The following LONP1 variants were observed in gnomAD, a reference collection of about 807,000 sequenced individuals.
LONP1 encodes the protein lon protease homolog, mitochondrial.
A neutral mutation model predicts 98.5 loss-of-function variants in LONP1; 31 were observed. That is an observed-to-expected ratio of 0.31 (90% CI 0.24 to 0.42). The LOEUF is 0.42. LONP1 is among the 20% of genes least tolerant of loss of function. The pLI is 1.00. For synonymous variants in LONP1, 781 were observed against 594.7 expected, an observed-to-expected ratio of 1.31 and a Z score of -4.56; for missense variants, 1,336 against 1,350.6, an observed-to-expected ratio of 0.99 and a Z score of 0.17.
At chr19:5,705,017 C>T (rs2055121012) in intron 8 of LONP1, among the ~76,000 whole-genome samples, 1 of 152,138 alleles carries the variant, frequency 6.6e-6, no homozygotes, top group South Asian at 2.1e-4. Flanking sequence ...TAAAAATTAG[C>T]TGGGTGTGGT....
chr19:5,700,979 C>T (rs761919228), intron 8 of LONP1, 52 bp from the exon 9 acceptor site: 10 of 1,608,740 alleles, frequency 6.2e-6, no homozygotes, highest in Non-Finnish European at 8.5e-6. Flanking sequence ...AGCTGCCTGT[C>T]TCTCTGCTGG....
Position 5,703,180 on chromosome 19 carries a change from C to CAAA in LONP1, c.1368-2256_1368-2254dup, listed in dbSNP as rs35471644. Among the ~76,000 whole-genome samples the CAAA allele has an allele frequency of 1.0e-4, 8 of 77,074 alleles. 1 individual carries two copies. Among genetic ancestry groups the CAAA allele is most frequent in the African/African-American group, 2.4e-4 (5 of 20,418 alleles). 50.6% of individuals were successfully genotyped at this position (77,074 alleles called of 152,430 possible). On this transcript the variant is annotated intron_variant, in intron 8 of 17. Transcript: ENST00000360614. ...TGGGCAACAGAGTGAGACTCCATCT[C>CAAA]AAAAAAAAAAAAAAAAAAAAATTTA...
In LONP1 at chr19:5,719,882, T is replaced by C. The variant is rs2055404759; in HGVS notation, c.251A>G (p.Asp84Gly). ...TTCCTCCGCGCCGCCCTCGGAGGCG[T>C]CCTCGCCCCCCGAGAATGCGCCTCC... The part of the protein sequence containing the change: ...RGGGAFSGGE[D>G]ASEGGAEEGA... Residue 84 changes from aspartate to glycine, a missense_variant, in exon 1 of 18, where the codon GAC (aspartate) becomes GGC (glycine). Asp to Gly is a moderately conservative substitution (Grantham distance 94). Transcript: ENST00000360614. The C allele has an allele frequency of 6.4e-7, 1 of 1,572,852 alleles. No individual in the cohort carries two copies. The highest frequency in any genetic ancestry group is 1.1e-5 in the South Asian group (1 of 87,470).
At chr19:5,695,941 G>T in intron 13 of LONP1, 113 bp downstream of exon 13, 2 of 865,236 alleles carry the variant, frequency 2.3e-6, no homozygotes, top group Non-Finnish European at 3.5e-6. Flanking sequence ...TCGGCCGCAG[G>T]TCCCACCTGT....
In LONP1 at chr19:5,694,806, G is replaced by A. The variant is rs779012622; in HGVS notation, c.2109C>T (p.Tyr703=). ...SDVLTLLIKQ[Y]CRESGVRNLQ... is the part of the protein sequence containing the mutation. ...GGTTGCGGACACCGCTCTCGCGGCA[G>A]TACTGCTTGATGAGCAGCGTCAGCA... Residue 703 remains tyrosine, a synonymous_variant, in exon 14 of 18, where the codon TAC becomes TAT. Coordinates refer to ENST00000360614, the MANE Select transcript of LONP1 (RefSeq NM_004793.4). The A allele has an allele frequency of 1.2e-5, 19 of 1,600,334 alleles. No individual in the cohort carries two copies. The African/African-American group carries it at 2.3e-4, about 19-fold the overall frequency.
chr19:5,694,620 G>T, intron 14 of LONP1, 68 bp from the exon 15 acceptor site: 4 of 1,560,824 alleles, frequency 2.6e-6, no homozygotes, highest in Non-Finnish European at 3.5e-6. Flanking sequence ...GTGGGGTGAC[G>T]GGCACAGAAA....
intron 15 of LONP1, 105 bp from the exon 16 acceptor site, chr19:5,693,874 CTTGGTGCCCCTGGGCAGGGG>C: frequency 1.1e-6 from 1 of 924,452 alleles, no homozygotes; most frequent in South Asian, 1.5e-5. Context: ...AGTTTAGCAT[CTTGGTGCCCCTGGGCAGGGG>C]TTGGTGTCCC....
intron 10 of LONP1, among the ~76,000 whole-genome samples, chr19:5,697,480 G>A (rs1218352403): frequency 1.3e-5 from 2 of 149,844 alleles, no homozygotes; most frequent in African/African-American, 4.9e-5. Flanking sequence ...ACAGTGAGGA[G>A]GCCATGAGGC....
chr19:5,695,258 A>C (rs2054905854), intron 13 of LONP1, among the ~76,000 whole-genome samples: 1 of 152,074 alleles, frequency 6.6e-6, no homozygotes, highest in Admixed American at 6.5e-5. Flanking sequence ...CACATGAGGA[A>C]GGGGACTGGG....
intron 4 of LONP1, 58 bp from the exon 5 acceptor site, chr19:5,708,461 T>TGGGGGGGGGGGGG: frequency 2.6e-6 from 1 of 384,130 alleles, no homozygotes; most frequent in Non-Finnish European, 5.1e-6. Context: ...GGGGGTGGGC[T>TGGGGGGGGGGGGG]GGGTGGGAGC....
chr19:5,708,192 A>T, intron 5 of LONP1, 150 bp downstream of exon 5: 2 of 775,246 alleles, frequency 2.6e-6, no homozygotes, highest in East Asian at 5.4e-5. Context: ...CCCATGCCCC[A>T]GTGGGCAACG....
chr19:5,709,965 C>A (rs1003936409), intron 4 of LONP1, among the ~76,000 whole-genome samples: 1 of 150,668 alleles, frequency 6.6e-6, no homozygotes, highest in Non-Finnish European at 1.5e-5. Flanking sequence ...AGGGGTCTTG[C>A]CAGTTCTAAT....
At chr19:5,696,625 A>C (rs760821454) in intron 11 of LONP1, 45 bp downstream of exon 11, 1 of 1,500,488 alleles carries the variant, frequency 6.7e-7, no homozygotes, top group South Asian at 1.2e-5. Flanking sequence ...CATCTTGCAC[A>C]CGGCATTGCC....
chr19:5,716,259 C>CATATAT (rs3082272), intron 1 of LONP1, among the ~76,000 whole-genome samples: 1,135 of 76,992 alleles, frequency 0.015, 70 homozygotes, highest in East Asian at 0.023. Flanking sequence ...TTAAAATATA[C>CATATAT]ATATATATAT....
At chr19:5,694,652 T>TGGGGTGATGGGCGCGGGGTGGG (rs2054892831) in intron 14 of LONP1, 100 bp from the exon 15 acceptor site, 5 of 1,550,414 alleles carry the variant, frequency 3.2e-6, no homozygotes, top group South Asian at 1.2e-5. Context: ...CGCGGGGTGG[T>TGGGGTGATGGGCGCGGGGTGGG]GGGGTGATGG....
At chr19:5,707,220 G>A in intron 6 of LONP1, 77 bp from the exon 7 acceptor site, 2 of 1,201,632 alleles carry the variant, frequency 1.7e-6, no homozygotes, top group South Asian at 2.5e-5. Context: ...GGGGGAAAAT[G>A]CGCACCCTGA....
chr19:5,698,632 G>A (rs1046710870), intron 10 of LONP1, among the ~76,000 whole-genome samples: 1 of 152,220 alleles, frequency 6.6e-6, no homozygotes, highest in East Asian at 1.9e-4. Flanking sequence ...GCTTCGGGGT[G>A]GGGGGTGGAG....
intron 8 of LONP1, among the ~76,000 whole-genome samples, chr19:5,703,791 G>A (rs562427049): frequency 2.6e-5 from 4 of 152,204 alleles, no homozygotes; most frequent in South Asian, 2.1e-4. Flanking sequence ...TGACACGCAG[G>A]TACTGAGGGC....
chr19:5,717,796 C>A (rs1568330105), intron 1 of LONP1, among the ~76,000 whole-genome samples: 1 of 151,968 alleles, frequency 6.6e-6, no homozygotes, highest in African/African-American at 2.4e-5. Context: ...CTCACTGCAG[C>A]CTTGATCTCC....
Sources: gnomAD v4.1 joint callset for allele counts (sites outside exome capture counted in the v4.1 genomes callset) on GRCh38, gnomAD v4.1.1 for gene constraint, MANE v1.5 for transcripts, NCBI Gene and HGNC (gene_info 2026-07-23, HGNC 2026-07-21) for gene names.